The following FLVCR1 variants were observed in gnomAD, a reference collection of about 807,000 sequenced individuals.
FLVCR1 encodes FLVCR choline and heme transporter 1, also known as choline/ethanolamine transporter FLVCR1.
FLVCR1 carries 34 observed loss-of-function variants against 53.6 expected under a neutral mutation model. The ratio of observed to expected loss-of-function variants is 0.63; its 90% confidence interval spans 0.48 to 0.84. FLVCR1 has a LOEUF of 0.84. Among genes scored for constraint, FLVCR1 ranks in the 40% least tolerant of loss-of-function variants. The pLI, the probability that FLVCR1 is intolerant of heterozygous loss-of-function variation, is 0.00. For missense variants in FLVCR1, 677 were observed against 696.7 expected (o/e 0.97, Z 0.32); for synonymous variants, 300 against 286.3 (o/e 1.05, Z -0.48).
chr1:212,875,802 C>T (rs561323025), intron 3 of FLVCR1, among the ~76,000 whole-genome samples: 6 of 151,086 alleles, frequency 4.0e-5, no homozygotes, highest in South Asian at 4.2e-4. Flanking sequence ...GATCGTGCCA[C>T]TGCACTCCAG....
rs774614268 is a variant in FLVCR1 at position 212,896,855 on chromosome 1, TAAAAAAAAAAAAAAAAAAAAAAA to T, written c.*1576_*1598del. 1 of 17,092 alleles carries T rather than the reference TAAAAAAAAAAAAAAAAAAAAAAA, an allele frequency of 5.9e-5. No homozygotes were observed. Among genetic ancestry groups the T allele is most frequent in the Non-Finnish European group, 1.2e-4 (1 of 8,608 alleles). 1.1% of individuals were successfully genotyped at this position (17,092 alleles called of 1,614,324 possible). ...CAACATGGTAAAACCCCATCTCTAC[TAAAAAAAAAAAAAAAAAAAAAAA>T]AAAAAAAAAAGGCCAGGCGCAGTGC... is the stretch of plus-strand genomic sequence containing the variant. On this transcript the variant is annotated 3_prime_UTR_variant, in exon 10 of 10. Transcript: ENST00000366971.
intron 2 of FLVCR1, among the ~76,000 whole-genome samples, chr1:212,865,192 C>T (rs1572008913): frequency 2.7e-5 from 4 of 150,882 alleles, no homozygotes; most frequent in South Asian, 2.1e-4. Flanking sequence ...AGGTTTGTTA[C>T]ATATGTATAC....
At chr1:212,880,085 G>A (rs1382287835) in intron 3 of FLVCR1, among the ~76,000 whole-genome samples, 2 of 152,050 alleles carry the variant, frequency 1.3e-5, no homozygotes, top group Admixed American at 1.3e-4. Flanking sequence ...GTACACTCAG[G>A]CCTGAGCACA....
chr1:212,871,011 C>T (rs1229368596), intron 2 of FLVCR1, among the ~76,000 whole-genome samples: 1 of 152,160 alleles, frequency 6.6e-6, no homozygotes, highest in Admixed American at 6.5e-5. Context: ...CTCACATGAT[C>T]CACCTGCCTC....
At chr1:212,873,742 C>T (rs1405069280) in intron 3 of FLVCR1, among the ~76,000 whole-genome samples, 1 of 152,236 alleles carries the variant, frequency 6.6e-6, no homozygotes, top group East Asian at 1.9e-4. Context: ...CTCCAGAAAT[C>T]ACTCACTGCT....
At chr1:212,874,686 G>A (rs1476216635) in intron 3 of FLVCR1, among the ~76,000 whole-genome samples, 4 of 151,298 alleles carry the variant, frequency 2.6e-5, no homozygotes, top group Admixed American at 1.3e-4. Context: ...ATGCCACCAC[G>A]CCCAGCTAAT....
intron 2 of FLVCR1, among the ~76,000 whole-genome samples, chr1:212,865,230 T>G (rs998552447): frequency 6.6e-6 from 1 of 151,652 alleles, no homozygotes; most frequent in African/African-American, 2.4e-5. Context: ...GCTGCACCCA[T>G]TAACTCGTCA....
intron 2 of FLVCR1, among the ~76,000 whole-genome samples, chr1:212,864,794 C>G (rs1664357848): frequency 6.6e-6 from 1 of 152,098 alleles, no homozygotes; most frequent in African/African-American, 2.4e-5. Context: ...ATTTTGTGAT[C>G]TCCAGATATA....
intron 3 of FLVCR1, among the ~76,000 whole-genome samples, chr1:212,877,319 A>C (rs775666175): frequency 3.3e-5 from 5 of 151,562 alleles, no homozygotes; most frequent in Admixed American, 2.6e-4. Flanking sequence ...CCCCAATTAG[A>C]TGATCAGTAC....
rs937538361 is a variant in FLVCR1 at position 212,858,527 on chromosome 1, G to A, written c.75G>A (p.Leu25=). 1.2e-5 allele frequency: 17 copies of A among 1,460,422 alleles called. No homozygotes were observed. Among genetic ancestry groups the A allele is most frequent in the Middle Eastern group, 2.1e-4 (1 of 4,860 alleles). The allele number at this position is 1,460,422 out of a possible 1,614,324, so 90.5% of individuals were successfully genotyped here. ...GHPLAKGYLP[L]PRGAPVGKES... ...CGCTCGCGAAAGGATACCTCCCGTTGCCGAGGGGCGCGCCCGTTGGGAAGG... is the reference window on the plus strand; with the variant it reads ...CGCTCGCGAAAGGATACCTCCCGTTACCGAGGGGCGCGCCCGTTGGGAAGG... Residue 25 remains leucine, a synonymous_variant, in exon 1 of 10, where the codon TTG becomes TTA. Coordinates refer to ENST00000366971, the MANE Select transcript of FLVCR1 (RefSeq NM_014053.4).
intron 3 of FLVCR1, among the ~76,000 whole-genome samples, chr1:212,874,938 C>CACAG: frequency 6.6e-6 from 1 of 152,072 alleles, no homozygotes; most frequent in African/African-American, 2.4e-5. Context: ...CACACACACA[C>CACAG]ACAGACACAT....
Position 212,896,450 on chromosome 1 carries a change from T to C in FLVCR1, c.*1160T>C, listed in dbSNP as rs1665337597. 6.6e-6 allele frequency: 1 copy of C among 152,196 alleles called. No homozygotes were observed. The highest frequency in any genetic ancestry group is 6.5e-5 in the Admixed American group (1 of 15,290). The allele number at this position is 152,196 out of a possible 1,614,324, so 9.4% of individuals were successfully genotyped here. ...GAGTCATCACACTGTTAGAATAGTC[T>C]GCTCTTTTACATGCTCAGGTAGGGA... On this transcript the variant is annotated 3_prime_UTR_variant, in exon 10 of 10. Transcript: ENST00000366971.
intron 3 of FLVCR1, among the ~76,000 whole-genome samples, chr1:212,879,730 T>C (rs936137853): frequency 1.3e-5 from 2 of 152,136 alleles, no homozygotes; most frequent in African/African-American, 4.8e-5. Flanking sequence ...TAATTTTTTG[T>C]ATTTTTAGTA....
At position 212,875,756 on chromosome 1, in the gene FLVCR1, G is replaced by A. The variant is rs1398186902; in HGVS notation, c.1024+2938G>A. Among the ~76,000 whole-genome samples the A allele has an allele frequency of 8.6e-5, 13 of 151,350 alleles. No individual in the cohort carries two copies. The South Asian group carries it at 1.0e-3, about 12-fold the overall frequency. ...CTCGGGAGGCTGAGGCAGGAGAATC[G>A]CTTGAACCCAGGAGGCAAAGGTTGC... On this transcript the variant is annotated intron_variant, in intron 3 of 9. Transcript: ENST00000366971.
At chr1:212,894,107 TTGA>T (rs1665272343) in intron 8 of FLVCR1, among the ~76,000 whole-genome samples, 1 of 90,392 alleles carries the variant, frequency 1.1e-5, no homozygotes, top group Non-Finnish European at 2.7e-5. Context: ...GGCATGTAGA[TTGA>T]TTTTTTTTTT....
At chr1:212,859,303 A>T (rs930838842) in intron 1 of FLVCR1, 113 bp downstream of exon 1, 3 of 1,506,820 alleles carry the variant, frequency 2.0e-6, no homozygotes, top group South Asian at 1.1e-5. Context: ...ATTTGTCTAT[A>T]AAAGAGGAGA....
chr1:212,890,359 C>A (rs1323941551), intron 8 of FLVCR1, among the ~76,000 whole-genome samples: 3 of 152,046 alleles, frequency 2.0e-5, no homozygotes, highest in Non-Finnish European at 2.9e-5. Flanking sequence ...GTAAATACTT[C>A]CCAGGGGCGT....
intron 1 of FLVCR1, among the ~76,000 whole-genome samples, chr1:212,860,077 G>A (rs563123726): frequency 6.6e-6 from 1 of 152,272 alleles, no homozygotes; most frequent in Non-Finnish European, 1.5e-5. Context: ...GAGGCCAGGA[G>A]TCTGAGACCA....
At chr1:212,890,132 C>G (rs1007171537) in intron 8 of FLVCR1, among the ~76,000 whole-genome samples, 1 of 152,204 alleles carries the variant, frequency 6.6e-6, no homozygotes, top group Non-Finnish European at 1.5e-5. Context: ...AAATAGTGCT[C>G]AATCTCCAGA....
Sources: gnomAD v4.1 joint callset for allele counts (sites outside exome capture counted in the v4.1 genomes callset) on GRCh38, gnomAD v4.1.1 for gene constraint, MANE v1.5 for transcripts, NCBI Gene and HGNC (gene_info 2026-07-23, HGNC 2026-07-21) for gene names.